CENPC: variants seen among roughly 807,000 people sequenced by gnomAD.
CENPC encodes the protein centromere protein C, also known as CENP-C 1.
A neutral mutation model predicts 112.1 loss-of-function variants in CENPC; 63 were observed. The ratio of observed to expected loss-of-function variants is 0.56; its 90% confidence interval spans 0.46 to 0.69. CENPC has a LOEUF of 0.69. CENPC is among the 30% of genes least tolerant of loss of function. The probability of loss-of-function intolerance (pLI) is 0.00; values close to 1 mark genes in which losing one functional copy is unlikely to be tolerated. For missense variants in CENPC, 1,000 were observed against 1,103.8 expected (o/e 0.91, Z 1.33); for synonymous variants, 333 against 367.6 (o/e 0.91, Z 1.08).
intron 18 of CENPC, among the ~76,000 whole-genome samples, chr4:67,473,400 A>G (rs964623200): frequency 6.6e-6 from 1 of 152,236 alleles, no homozygotes; most frequent in Non-Finnish European, 1.5e-5. Flanking sequence ...AAGTATTCAC[A>G]ACAGTGCTGA....
chr4:67,486,968 G>GTTTTTTTTTTTTT lies in CENPC; in HGVS notation c.2670+2986_2670+2998dup, dbSNP rs58948980. The stretch of plus-strand genomic sequence containing the variant: ...ATTCAGGTTTTGTATTTGCTTTTAG[G>GTTTTTTTTTTTTT]TTTTTTTTTTTTTTTTTCTTTTTTA... On this transcript the variant is annotated intron_variant, in intron 17 of 18. Coordinates refer to ENST00000273853, the MANE Select transcript of CENPC (RefSeq NM_001812.4). Among the ~76,000 whole-genome samples the GTTTTTTTTTTTTT allele has an allele frequency of 1.5e-5, 2 of 131,820 alleles. 1 individual carries two copies. The allele number at this position is 131,820 out of a possible 152,430, so 86.5% of individuals were successfully genotyped here. A position where few individuals can be genotyped will look rare whatever the true frequency, so the allele number is the denominator to read the frequency against.
Position 67,518,277 on chromosome 4 carries a change from T to C in CENPC, c.709A>G (p.Arg237Gly). 1 of 1,559,300 alleles carries C rather than the reference T, an allele frequency of 6.4e-7. No homozygotes were observed. The highest frequency in any genetic ancestry group is 8.7e-7 in the Non-Finnish European group (1 of 1,152,046). ...TTCTGAGATGATCCTGATGGTTTTC[T>C]TTCTTGTCCTTCCGATGTTTTATCC... ...EEDKTSEGQE[R>G]KPSGSSQNRI... Residue 237 changes from arginine to glycine, a missense_variant, in exon 7 of 19, where the codon AGA becomes GGA. Transcript: ENST00000273853.
At position 67,521,457 on chromosome 4, in the gene CENPC, G is replaced by A. The variant is rs1250904873; in HGVS notation, c.332-1955C>T. Among the ~76,000 whole-genome samples the A allele has an allele frequency of 2.6e-5, 4 of 152,066 alleles. 1 individual carries two copies. The highest frequency in any genetic ancestry group is 2.6e-4 in the Admixed American group (4 of 15,258). On this transcript the variant is annotated intron_variant, in intron 5 of 18. Coordinates refer to ENST00000273853, the MANE Select transcript of CENPC (RefSeq NM_001812.4). ...TTTAAATTTTCCTAATAACAGTGATGTAAAACAAATCAAAACTACAATGAG... is the reference window on the plus strand; with the variant it reads ...TTTAAATTTTCCTAATAACAGTGATATAAAACAAATCAAAACTACAATGAG...
chr4:67,484,285 T>C (rs973506644), intron 17 of CENPC, among the ~76,000 whole-genome samples: 2 of 152,220 alleles, frequency 1.3e-5, no homozygotes, highest in African/African-American at 2.4e-5. Context: ...TAGTAGGCTA[T>C]ATCATCTTAT....
At chr4:67,525,451 C>T (rs1489188298) in intron 5 of CENPC, among the ~76,000 whole-genome samples, 2 of 152,146 alleles carry the variant, frequency 1.3e-5, no homozygotes, top group Non-Finnish European at 1.5e-5. Flanking sequence ...CTACAAGAAA[C>T]TTAAACAAAT....
chr4:67,525,654 T>C (rs79824018), intron 5 of CENPC, among the ~76,000 whole-genome samples: 35,966 of 152,014 alleles, frequency 0.24, 4,586 homozygotes, highest in Non-Finnish European at 0.29. Context: ...TAGTGATCAT[T>C]AAAAAGACAA....
At chr4:67,522,536 A>G (rs915859723) in intron 5 of CENPC, among the ~76,000 whole-genome samples, 19 of 152,126 alleles carry the variant, frequency 1.2e-4, no homozygotes, top group African/African-American at 4.6e-4. Flanking sequence ...GAAAGACAGG[A>G]AGAGAGAGAG....
chr4:67,507,061 C>T (rs1033321358), intron 10 of CENPC, 127 bp from the exon 11 acceptor site: 4 of 624,976 alleles, frequency 6.4e-6, no homozygotes, highest in Non-Finnish European at 7.5e-6. Context: ...TCACCCTGTT[C>T]AGGTTCTGAG....
At chr4:67,473,302 A>AT (rs2109755816) in intron 18 of CENPC, among the ~76,000 whole-genome samples, 1 of 152,310 alleles carries the variant, frequency 6.6e-6, no homozygotes, top group Non-Finnish European at 1.5e-5. Context: ...GCAAAAGTGA[A>AT]ATACAGATGG....
chr4:67,506,775 A>G lies in CENPC; in HGVS notation c.2051+13T>C. 6.4e-7 allele frequency: 1 copy of G among 1,568,714 alleles called. No homozygotes were observed. Among genetic ancestry groups the G allele is most frequent in the East Asian group, 2.3e-5 (1 of 43,424 alleles). The stretch of plus-strand genomic sequence containing the variant: ...TAATATATACAACTATTATCCTTAC[A>G]ATACACGCATACCTTTCCTCTAAAA... On this transcript the variant is annotated intron_variant, in intron 11 of 18. Coordinates refer to ENST00000273853, the MANE Select transcript of CENPC (RefSeq NM_001812.4).
intron 17 of CENPC, among the ~76,000 whole-genome samples, chr4:67,478,866 GAAGT>G (rs1043407602): frequency 6.6e-6 from 1 of 152,232 alleles, no homozygotes; most frequent in Admixed American, 6.5e-5. Flanking sequence ...TTAGGGTAAA[GAAGT>G]AGTAAAAGAT....
At chr4:67,488,455 T>G (rs1372654476) in intron 17 of CENPC, among the ~76,000 whole-genome samples, 1 of 151,988 alleles carries the variant, frequency 6.6e-6, no homozygotes, top group African/African-American at 2.4e-5. Flanking sequence ...ACTTCCAAAT[T>G]ACTTCCCTGG....
intron 17 of CENPC, among the ~76,000 whole-genome samples, chr4:67,478,198 G>T (rs973407475): frequency 7.9e-5 from 12 of 152,074 alleles, no homozygotes; most frequent in African/African-American, 2.9e-4. Context: ...AGTTCAAAGA[G>T]CACCTGGAAA....
intron 17 of CENPC, among the ~76,000 whole-genome samples, chr4:67,481,253 G>T (rs1018791723): frequency 3.3e-5 from 5 of 152,012 alleles, no homozygotes; most frequent in African/African-American, 1.2e-4. Flanking sequence ...AGAAATCATA[G>T]ACGACATAAA....
chr4:67,505,483 C>T (rs1314345370), intron 11 of CENPC, among the ~76,000 whole-genome samples, 199 bp from the exon 12 acceptor site: 1 of 152,008 alleles, frequency 6.6e-6, no homozygotes. Context: ...CTGTGGATAC[C>T]AAAATCCAAG....
chr4:67,520,277 C>A (rs1726185056), intron 5 of CENPC, among the ~76,000 whole-genome samples: 1 of 152,170 alleles, frequency 6.6e-6, no homozygotes, highest in African/African-American at 2.4e-5. Context: ...AGTAAAGGAG[C>A]TCATACCAAG....
At chr4:67,500,597 C>G (rs1725566536) in intron 12 of CENPC, among the ~76,000 whole-genome samples, 1 of 152,114 alleles carries the variant, frequency 6.6e-6, no homozygotes. Context: ...CAAAAGCACA[C>G]AGAGACCAGC....
chr4:67,490,842 ATATATATATAT>A (rs1725231187), intron 16 of CENPC, among the ~76,000 whole-genome samples: 2 of 9,342 alleles, frequency 2.1e-4, no homozygotes, highest in African/African-American at 3.8e-4. Flanking sequence ...AAATAAATAT[ATATATATATAT>A]ATATATATAT....
intron 5 of CENPC, among the ~76,000 whole-genome samples, chr4:67,529,458 T>C (rs1415717549): frequency 1.3e-5 from 2 of 152,034 alleles, no homozygotes; most frequent in Non-Finnish European, 2.9e-5. Context: ...CCCGAGTACC[T>C]GGGATAACAG....
Sources: allele counts gnomAD v4.1 joint callset (sites outside exome capture counted in the v4.1 genomes callset), GRCh38; gene constraint gnomAD v4.1.1; transcripts MANE v1.5; gene names NCBI Gene and HGNC (gene_info 2026-07-23, HGNC 2026-07-21).